PDLIM5: variants seen among roughly 807,000 people sequenced by gnomAD.
PDLIM5 encodes PDZ and LIM domain protein 5.
A neutral mutation model predicts 64.2 loss-of-function variants in PDLIM5; 34 were observed. The observed-to-expected ratio is 0.53, with a 90% CI of 0.40 to 0.71. The LOEUF (loss-of-function observed/expected upper bound fraction) is 0.71. PDLIM5 is among the 30% of genes least tolerant of loss of function. PDLIM5 has a pLI of 0.00. For synonymous variants in PDLIM5, 253 were observed against 269.1 expected (o/e 0.94, Z 0.59); for missense variants, 683 against 733.6 (o/e 0.93, Z 0.80).
chr4:94,586,470 T>C (rs1315629489), intron 7 of PDLIM5, 26 bp downstream of exon 7: 1 of 1,417,132 alleles, frequency 7.1e-7, no homozygotes, highest in African/African-American at 1.4e-5. Flanking sequence ...TTTTGACAAT[T>C]GAATGTTTTC....
intron 5 of PDLIM5, chr4:94,583,117 AT>A (rs1248190109): frequency 1.3e-5 from 2 of 155,380 alleles, no homozygotes; most frequent in African/African-American, 4.8e-5. Context: ...TCCCAAATGC[AT>A]TTTTTAAAAT....
At chr4:94,454,002 T>C (rs569588262) in intron 1 of PDLIM5, among the ~76,000 whole-genome samples, 1 of 152,336 alleles carries the variant, frequency 6.6e-6, no homozygotes, top group African/African-American at 2.4e-5. Flanking sequence ...TTGCCCCATT[T>C]TCCCTTTATG....
At chr4:94,588,994 T>C (rs1166613932) in intron 7 of PDLIM5, among the ~76,000 whole-genome samples, 1 of 152,134 alleles carries the variant, frequency 6.6e-6, no homozygotes, top group East Asian at 1.9e-4. Context: ...AAGACAGAGG[T>C]CCTGCCTGCT....
intron 2 of PDLIM5, among the ~76,000 whole-genome samples, chr4:94,518,813 G>T (rs192021571): frequency 1.3e-5 from 2 of 152,092 alleles, no homozygotes; most frequent in African/African-American, 4.8e-5. Flanking sequence ...CAACACCGGG[G>T]ACATCTTTGT....
intron 3 of PDLIM5, among the ~76,000 whole-genome samples, chr4:94,527,525 G>A (rs1263650982): frequency 6.6e-6 from 1 of 152,168 alleles, no homozygotes; most frequent in Non-Finnish European, 1.5e-5. Flanking sequence ...ATCATTTACA[G>A]ACTTGTCTTA....
At chr4:94,559,138 T>C (rs1450890241) in intron 3 of PDLIM5, among the ~76,000 whole-genome samples, 2 of 152,238 alleles carry the variant, frequency 1.3e-5, no homozygotes, top group South Asian at 4.1e-4. Flanking sequence ...GATATTATTA[T>C]GATTCTTTGA....
At chr4:94,661,881 C>T (rs142895113) in intron 11 of PDLIM5, among the ~76,000 whole-genome samples, 3,900 of 150,946 alleles carry the variant, frequency 0.026, 162 homozygotes, top group East Asian at 0.16. Flanking sequence ...AGTGCAGTGG[C>T]GCGATCTCAG....
chr4:94,659,437 A>G (rs911979839), intron 11 of PDLIM5, among the ~76,000 whole-genome samples: 5 of 150,626 alleles, frequency 3.3e-5, no homozygotes, highest in African/African-American at 7.4e-5. Context: ...ATAGCCCCTC[A>G]CCTTCCTTCC....
intron 7 of PDLIM5, among the ~76,000 whole-genome samples, chr4:94,605,960 A>G (rs1055786365): frequency 4.0e-5 from 6 of 151,482 alleles, no homozygotes; most frequent in African/African-American, 1.5e-4. Context: ...AATTTTTAAT[A>G]TTAAAATATT....
chr4:94,586,922 T>C (rs1245298319), intron 7 of PDLIM5: 3 of 1,351,458 alleles, frequency 2.2e-6, no homozygotes, highest in African/African-American at 1.5e-5. Context: ...GTCTAGAACC[T>C]TTTTCCTTCT....
intron 3 of PDLIM5, among the ~76,000 whole-genome samples, chr4:94,565,870 TATAG>T (rs2110255419): frequency 6.6e-6 from 1 of 152,348 alleles, no homozygotes; most frequent in East Asian, 1.9e-4. Context: ...GTGTTCACTC[TATAG>T]ATAGGCAGAT....
chr4:94,647,275 T>C (rs1741488890), intron 9 of PDLIM5, among the ~76,000 whole-genome samples: 1 of 152,076 alleles, frequency 6.6e-6, no homozygotes, highest in Admixed American at 6.5e-5. Context: ...AAATAAAAGA[T>C]ACAAATATGT....
intron 11 of PDLIM5, among the ~76,000 whole-genome samples, chr4:94,658,286 G>T (rs549027166): frequency 6.6e-6 from 1 of 152,114 alleles, no homozygotes; most frequent in Non-Finnish European, 1.5e-5. Flanking sequence ...TGAATGAGAA[G>T]GTAATCCTGA....
In PDLIM5 at chr4:94,575,888, C is replaced by T. The variant is rs1472327595; in HGVS notation, c.564C>T (p.Asp188=). 6.2e-7 allele frequency: 1 copy of T among 1,614,148 alleles called. No individual in the cohort carries two copies. The change falls in exon 5 of 13, where the codon GAC becomes GAT. Residue 188 remains aspartate (D), a synonymous_variant. Coordinates refer to ENST00000317968, the MANE Select transcript of PDLIM5 (RefSeq NM_006457.5). ...GLHANANLSA[D]QSPSALSAGK... ...ATGCTAATGCCAATCTTAGTGCTGA[C>T]CAGTCTCCATCTGCACTGAGCGCTG...
intron 3 of PDLIM5, among the ~76,000 whole-genome samples, chr4:94,527,245 C>G (rs912373676): frequency 1.3e-5 from 2 of 151,136 alleles, no homozygotes; most frequent in African/African-American, 2.4e-5. Context: ...TTAGTAGAGA[C>G]AGGGTTTCAC....
intron 9 of PDLIM5, among the ~76,000 whole-genome samples, chr4:94,642,549 G>C (rs1741080833): frequency 6.6e-6 from 1 of 152,088 alleles, no homozygotes. Flanking sequence ...ATTTTATATT[G>C]TTCTGGATTA....
In PDLIM5 at chr4:94,575,958, G is replaced by T. The variant is rs752012659; in HGVS notation, c.634G>T (p.Val212Leu). The T allele has an allele frequency of 1.9e-6, 3 of 1,614,144 alleles. No homozygotes were observed. In the South Asian group the frequency reaches 3.3e-5, roughly 18 times the overall value. ...NVPRQPTVTS[V>L]CSETSQELAE... Reference sequence around the variant, plus strand: ...CCCACGGCAGCCCACAGTCACCAGCGTGTGTTCCGAGACTTCTCAGGAGCT... The same window carrying T: ...CCCACGGCAGCCCACAGTCACCAGCTTGTGTTCCGAGACTTCTCAGGAGCT... Residue 212 changes from valine to leucine, a missense_variant, in exon 5 of 13, where the codon GTG becomes TTG. By Grantham distance (32) the Val-to-Leu change is conservative. Coordinates refer to ENST00000317968, the MANE Select transcript of PDLIM5 (RefSeq NM_006457.5).
intron 2 of PDLIM5, among the ~76,000 whole-genome samples, chr4:94,502,590 G>A (rs1159997965): frequency 2.0e-5 from 3 of 152,046 alleles, no homozygotes; most frequent in Admixed American, 1.3e-4. Context: ...GATTAAGTAA[G>A]TTAAGGCCGG....
At chr4:94,518,221 G>A (rs1328087607) in intron 2 of PDLIM5, among the ~76,000 whole-genome samples, 1 of 152,018 alleles carries the variant, frequency 6.6e-6, no homozygotes, top group Non-Finnish European at 1.5e-5. Flanking sequence ...TGCCATAATG[G>A]GTTATAATTT....
Sources: allele counts gnomAD v4.1 joint callset (sites outside exome capture counted in the v4.1 genomes callset), GRCh38; gene constraint gnomAD v4.1.1; transcripts MANE v1.5; gene names NCBI Gene and HGNC (gene_info 2026-07-23, HGNC 2026-07-21).